Variants in SCAI observed in about 807,000 individuals in gnomAD.
SCAI encodes the protein protein SCAI.
A neutral mutation model predicts 92.2 loss-of-function variants in SCAI; 24 were observed. The ratio of observed to expected loss-of-function variants is 0.26; its 90% CI spans 0.19 to 0.37. SCAI has a LOEUF of 0.37. SCAI is among the 10% of genes least tolerant of loss of function. SCAI has a pLI of 1.00. For synonymous variants in SCAI, 261 were observed against 258.6 expected (o/e 1.01, Z -0.09); for missense variants, 450 against 736.2 (o/e 0.61, Z 4.50).
chr9:125,025,520 A>T (rs1197128245), intron 6 of SCAI, among the ~76,000 whole-genome samples: 1 of 152,252 alleles, frequency 6.6e-6, no homozygotes. Context: ...AAAATGTTAT[A>T]CAGCTCTTTC....
intron 3 of SCAI, among the ~76,000 whole-genome samples, chr9:125,043,998 GC>G (rs1407987538): frequency 2.6e-5 from 4 of 152,062 alleles, no homozygotes; most frequent in Non-Finnish European, 4.4e-5. Context: ...GAAGCTCCCT[GC>G]CCCCACATGC....
Position 125,142,483 on chromosome 9 carries a change from A to C in SCAI, c.98+150T>G. ...GTAGAGGTAGTAATTTGAAGTCCTCAAAAGAAAAATCATGCATGTGGTTAT... is the reference window on the plus strand; with the variant it reads ...GTAGAGGTAGTAATTTGAAGTCCTCCAAAGAAAAATCATGCATGTGGTTAT... On this transcript the variant is annotated intron_variant, in intron 2 of 17. Transcript: ENST00000336505. 6.6e-6 allele frequency: 4 copies of C among 610,088 alleles called. No individual in the cohort carries two copies. The South Asian group carries it at 8.6e-5, about 13-fold the overall frequency. The allele number at this position is 610,088 out of a possible 1,614,324, so 37.8% of individuals were successfully genotyped here.
In SCAI at chr9:125,018,825, G is replaced by C. The variant is rs1588155483; in HGVS notation, c.835C>G (p.Leu279Val). The C allele has an allele frequency of 6.2e-7, 1 of 1,611,520 alleles. No homozygotes were observed. Among genetic ancestry groups the C allele is most frequent in the East Asian group, 2.2e-5 (1 of 44,818 alleles). The change falls in exon 9 of 18, where the codon CTC (leucine) becomes GTC (valine). Residue 279 changes from leucine to valine, a missense_variant. Leu to Val is a conservative substitution (Grantham distance 32). This residue lies in a region of SCAI where 360 missense variants were observed against 601.8 expected (regional missense o/e 0.60). Coordinates refer to ENST00000336505, the MANE Select transcript of SCAI (RefSeq NM_001144877.3). ...IVGQLSLADALIIGNCNNQVK... is the reference protein window; with the variant it reads ...IVGQLSLADAVIIGNCNNQVK... Reference sequence around the variant, plus strand: ...TGATTATTACAATTACCAATAATGAGTGCGTCAGCCAGAGACAACTGTCCC... The same window carrying C: ...TGATTATTACAATTACCAATAATGACTGCGTCAGCCAGAGACAACTGTCCC...
chr9:125,102,051 G>A (rs1461009187), intron 2 of SCAI, among the ~76,000 whole-genome samples: 1 of 152,076 alleles, frequency 6.6e-6, no homozygotes, highest in African/African-American at 2.4e-5. Context: ...TCCTTGATGT[G>A]GGTGCTGTCC....
chr9:125,120,890 A>G (rs1835143935), intron 2 of SCAI, among the ~76,000 whole-genome samples: 1 of 152,006 alleles, frequency 6.6e-6, no homozygotes, highest in Non-Finnish European at 1.5e-5. Flanking sequence ...TCAAAAAAAG[A>G]AAAAGAAAAA....
chr9:125,080,385 A>T (rs183610851), intron 2 of SCAI, among the ~76,000 whole-genome samples: 127 of 152,336 alleles, frequency 8.3e-4, no homozygotes, highest in Non-Finnish European at 1.0e-3. Context: ...TCTGATCCCG[A>T]GTTATCCCAG....
chr9:125,142,351 TA>T (rs374622024), intron 2 of SCAI: 9,283 of 219,836 alleles, frequency 0.042, 1 homozygote, highest in South Asian at 0.079. Flanking sequence ...TGGCTAAGGT[TA>T]AAAAAAAAAA....
chr9:125,004,091 G>T (rs1286129988), intron 9 of SCAI, among the ~76,000 whole-genome samples: 1 of 151,998 alleles, frequency 6.6e-6, no homozygotes, highest in South Asian at 2.1e-4. Context: ...CAGAAGAATC[G>T]CTTGAACCCA....
intron 6 of SCAI, among the ~76,000 whole-genome samples, chr9:125,024,066 T>A (rs1163939727): frequency 6.6e-6 from 1 of 152,124 alleles, no homozygotes; most frequent in Non-Finnish European, 1.5e-5. Flanking sequence ...TCACCACTTA[T>A]GTTGACATCA....
At chr9:125,059,170 T>C (rs1833726702) in intron 2 of SCAI, among the ~76,000 whole-genome samples, 2 of 152,256 alleles carry the variant, frequency 1.3e-5, no homozygotes, top group South Asian at 4.1e-4. Flanking sequence ...ATCAGACAAA[T>C]CAAAGTCCCA....
At chr9:125,076,489 T>C (rs1834092879) in intron 2 of SCAI, among the ~76,000 whole-genome samples, 1 of 150,962 alleles carries the variant, frequency 6.6e-6, no homozygotes, top group African/African-American at 2.4e-5. Context: ...ACAGAGGGAG[T>C]GAGAAGCCAT....
At chr9:125,002,275 C>T (rs1308907875) in intron 11 of SCAI, among the ~76,000 whole-genome samples, 2 of 152,072 alleles carry the variant, frequency 1.3e-5, no homozygotes, top group Non-Finnish European at 2.9e-5. Flanking sequence ...TTCAAAAACC[C>T]CATCATTTGG....
intron 2 of SCAI, among the ~76,000 whole-genome samples, chr9:125,105,815 T>C (rs1168684634): frequency 6.6e-6 from 1 of 151,862 alleles, no homozygotes; most frequent in East Asian, 1.9e-4. Flanking sequence ...AAAGATATAG[T>C]TGGCCGGGCG....
intron 13 of SCAI, among the ~76,000 whole-genome samples, chr9:124,995,414 T>C (rs1315534983): frequency 2.0e-5 from 3 of 152,316 alleles, no homozygotes; most frequent in African/African-American, 7.2e-5. Context: ...AAAATTTCTA[T>C]TTTAAAGATT....
chr9:125,049,321 C>G (rs1419249846), intron 3 of SCAI, among the ~76,000 whole-genome samples: 1 of 152,170 alleles, frequency 6.6e-6, no homozygotes, highest in Non-Finnish European at 1.5e-5. Flanking sequence ...CACTGATAGA[C>G]ACAGCTGTGT....
intron 2 of SCAI, among the ~76,000 whole-genome samples, chr9:125,088,400 T>C (rs1395341265): frequency 6.6e-6 from 1 of 152,132 alleles, no homozygotes; most frequent in Non-Finnish European, 1.5e-5. Flanking sequence ...TCTCAGAAGA[T>C]TTGGTTGTTT....
chr9:125,044,825 C>T (rs2131116325), intron 3 of SCAI, among the ~76,000 whole-genome samples: 1 of 152,298 alleles, frequency 6.6e-6, no homozygotes, highest in Middle Eastern at 3.4e-3. Context: ...CATCTCCAAG[C>T]TTCTGGGCAC....
At position 124,994,922 on chromosome 9, in the gene SCAI, C is replaced by CA; in HGVS notation, c.1326+11dup. The CA allele has an allele frequency of 6.2e-7, 1 of 1,600,702 alleles. No homozygotes were observed. The highest frequency in any genetic ancestry group is 8.6e-7 in the Non-Finnish European group (1 of 1,169,122). On this transcript the variant is annotated intron_variant, in intron 14 of 17. Coordinates refer to ENST00000336505, the MANE Select transcript of SCAI (RefSeq NM_001144877.3). ...CAATGTCTACCTGTGCAATAGCTCT[C>CA]ATGGAACTCACCTTATACGCAACAC... is the stretch of plus-strand genomic sequence containing the variant.
At chr9:124,995,684 T>C (rs1188192907) in intron 13 of SCAI, among the ~76,000 whole-genome samples, 1 of 151,944 alleles carries the variant, frequency 6.6e-6, no homozygotes, top group African/African-American at 2.4e-5. Flanking sequence ...AGAGATGGGG[T>C]TTCTCCATAT....
Sources: gnomAD v4.1 joint callset for allele counts (sites outside exome capture counted in the v4.1 genomes callset) on GRCh38, gnomAD v4.1.1 for gene constraint, gnomAD v4.1.1 regional missense constraint, MANE v1.5 for transcripts, NCBI Gene and HGNC (gene_info 2026-07-23, HGNC 2026-07-21) for gene names.